Variants in AGBL4 observed in about 807,000 individuals in gnomAD.
AGBL4 encodes AGBL carboxypeptidase 4.
Under a neutral mutation model 66.4 loss-of-function variants are expected in AGBL4, and 58 were observed. That is an observed-to-expected ratio of 0.87 (90% CI 0.71 to 1.09). AGBL4 has a LOEUF of 1.09. Ranked by LOEUF, AGBL4 falls within the 50% of genes least tolerant of loss-of-function variation. The pLI is 0.00. For missense variants in AGBL4, 579 were observed against 631.0 expected (o/e 0.92, Z 0.88); for synonymous variants, 234 against 222.9 (o/e 1.05, Z -0.44).
intron 3 of AGBL4, among the ~76,000 whole-genome samples, chr1:49,627,620 A>T (rs1161027022): frequency 6.6e-6 from 1 of 152,124 alleles, no homozygotes; most frequent in Admixed American, 6.6e-5. Flanking sequence ...GGCTGATAGG[A>T]TGATTTCTTT....
intron 6 of AGBL4, among the ~76,000 whole-genome samples, chr1:48,820,425 A>G (rs1042958142): frequency 3.9e-5 from 6 of 152,194 alleles, no homozygotes; most frequent in African/African-American, 1.4e-4. Context: ...TTTTTGGATG[A>G]GTTTAACACT....
intron 6 of AGBL4, among the ~76,000 whole-genome samples, chr1:48,853,512 C>T (rs1570835847): frequency 6.6e-6 from 1 of 152,276 alleles, no homozygotes; most frequent in East Asian, 1.9e-4. Context: ...ACTTTACATA[C>T]ATCACATCTA....
intron 6 of AGBL4, among the ~76,000 whole-genome samples, chr1:48,820,268 C>T (rs1173878466): frequency 2.0e-5 from 3 of 152,068 alleles, no homozygotes; most frequent in African/African-American, 7.2e-5. Flanking sequence ...AACTGAATAT[C>T]GGGTTCCCCA....
chr1:49,912,148 A>G (rs1392079950), intron 1 of AGBL4, among the ~76,000 whole-genome samples: 1 of 152,208 alleles, frequency 6.6e-6, no homozygotes, highest in East Asian at 1.9e-4. Flanking sequence ...AGGAGATCCC[A>G]AGAGGGCCCA....
chr1:49,963,816 T>G (rs1657322779), intron 1 of AGBL4, among the ~76,000 whole-genome samples: 2 of 152,076 alleles, frequency 1.3e-5, no homozygotes, highest in Admixed American at 1.3e-4. Flanking sequence ...AATGCAGACT[T>G]TGTCATCTAG....
At chr1:49,009,051 GAC>G (rs1557554065) in intron 5 of AGBL4, among the ~76,000 whole-genome samples, 2 of 150,528 alleles carry the variant, frequency 1.3e-5, no homozygotes, top group East Asian at 4.0e-4. Context: ...AGGAAATAGA[GAC>G]ACAAAAAACC....
At chr1:49,126,690 T>C (rs1645771168) in intron 4 of AGBL4, among the ~76,000 whole-genome samples, 3 of 152,118 alleles carry the variant, frequency 2.0e-5, no homozygotes, top group Admixed American at 2.0e-4. Context: ...CTTGGGAAAT[T>C]GGTAGTAATG....
intron 3 of AGBL4, among the ~76,000 whole-genome samples, chr1:49,437,889 C>T (rs1476302159): frequency 6.6e-6 from 1 of 152,140 alleles, no homozygotes; most frequent in Non-Finnish European, 1.5e-5. Flanking sequence ...CTGCTGAGTG[C>T]TTAAACAGTA....
At chr1:49,013,190 A>G (rs1267026810) in intron 5 of AGBL4, among the ~76,000 whole-genome samples, 1 of 152,258 alleles carries the variant, frequency 6.6e-6, no homozygotes, top group East Asian at 1.9e-4. Flanking sequence ...TGAGCATGAC[A>G]GCAAATAACC....
intron 4 of AGBL4, among the ~76,000 whole-genome samples, chr1:49,241,662 A>C (rs944098071): frequency 2.6e-5 from 4 of 151,998 alleles, no homozygotes; most frequent in Non-Finnish European, 5.9e-5. Flanking sequence ...TTCCTGGTTC[A>C]TTTTAACTAC....
intron 4 of AGBL4, among the ~76,000 whole-genome samples, chr1:49,234,973 A>G (rs1398321385): frequency 1.3e-5 from 2 of 152,180 alleles, no homozygotes; most frequent in East Asian, 3.8e-4. Flanking sequence ...TGTCTCTTAG[A>G]GCAACTATGA....
chr1:49,374,264 T>C (rs1309200403), intron 3 of AGBL4: 1 of 152,006 alleles, frequency 6.6e-6, no homozygotes, highest in African/African-American at 2.4e-5. Flanking sequence ...GCTCAGATAA[T>C]GCTTCTATAT....
intron 2 of AGBL4, among the ~76,000 whole-genome samples, chr1:49,720,472 T>C (rs777231284): frequency 3.3e-5 from 5 of 152,202 alleles, no homozygotes; most frequent in Admixed American, 6.5e-5. Flanking sequence ...CAAATGTTCA[T>C]TGAGCACTTG....
chr1:49,430,713 C>T (rs1645767417), intron 3 of AGBL4, among the ~76,000 whole-genome samples: 1 of 152,158 alleles, frequency 6.6e-6, no homozygotes, highest in South Asian at 2.1e-4. Flanking sequence ...ATAATCTGAA[C>T]ACATCTGTGA....
At chr1:48,709,628 A>G (rs1646934154) in intron 6 of AGBL4, among the ~76,000 whole-genome samples, 1 of 46,278 alleles carries the variant, frequency 2.2e-5, no homozygotes, top group African/African-American at 4.8e-5. Context: ...TTGAGATGGA[A>G]TCTTGCTCTG....
chr1:48,983,454 G>C (rs549685067), intron 5 of AGBL4, among the ~76,000 whole-genome samples: 2 of 152,138 alleles, frequency 1.3e-5, no homozygotes, highest in Non-Finnish European at 2.9e-5. Context: ...TGACAAATAG[G>C]CATCCCACAA....
chr1:49,918,540 A>G (rs1651832695), intron 1 of AGBL4, among the ~76,000 whole-genome samples: 1 of 152,212 alleles, frequency 6.6e-6, no homozygotes, highest in Non-Finnish European at 1.5e-5. Flanking sequence ...AACCAGGAAG[A>G]AGTTGAATCC....
At chr1:48,704,438 A>C (rs965940802) in intron 6 of AGBL4, among the ~76,000 whole-genome samples, 1 of 152,172 alleles carries the variant, frequency 6.6e-6, no homozygotes, top group Admixed American at 6.5e-5. Flanking sequence ...TAAACTTTTA[A>C]TTTTTTTAAC....
Position 48,534,059 on chromosome 1 carries a change from T to C in AGBL4, c.*114A>G, listed in dbSNP as rs1643931106. 6.8e-7 allele frequency: 1 copy of C among 1,472,494 alleles called. No homozygotes were observed. Among genetic ancestry groups the C allele is most frequent in the Non-Finnish European group, 9.3e-7 (1 of 1,076,304 alleles). 91.2% of individuals were successfully genotyped at this position (1,472,494 alleles called of 1,614,324 possible). A position where few individuals can be genotyped will look rare whatever the true frequency, so the allele number is the denominator to read the frequency against. ...TCTCATTGTATCCCTTCCCTTTCAC[T>C]AGCCTATGCATTAATCCACAAATCC... On this transcript the variant is annotated 3_prime_UTR_variant, in exon 14 of 14. Transcript: ENST00000371839.
Sources: allele counts gnomAD v4.1 joint callset (sites outside exome capture counted in the v4.1 genomes callset), GRCh38; gene constraint gnomAD v4.1.1; transcripts MANE v1.5; gene names NCBI Gene and HGNC (gene_info 2026-07-23, HGNC 2026-07-21).